Variants in SEC11C observed in about 807,000 individuals in gnomAD.
SEC11C encodes signal peptidase complex catalytic subunit SEC11C.
SEC11C carries 10 observed loss-of-function variants against 21.9 expected under a neutral mutation model. The observed-to-expected ratio is 0.46, with a 90% CI of 0.28 to 0.77. The LOEUF (loss-of-function observed/expected upper bound fraction) is 0.77, where lower values mean the gene tolerates loss of function less well. SEC11C is among the 30% of genes least tolerant of loss of function. The pLI is 0.12. For missense variants in SEC11C, 145 were observed against 244.5 expected (o/e 0.59, Z 2.71); for synonymous variants, 83 against 85.6 (o/e 0.97, Z 0.17).
intron 2 of SEC11C, 47 bp downstream of exon 2, chr18:59,149,669 C>G (rs375878145): frequency 1.6e-6 from 2 of 1,277,330 alleles, no homozygotes; most frequent in Non-Finnish European, 2.3e-6. Context: ...CATCACAAGG[C>G]TGCCTTGGGC....
In SEC11C at chr18:59,139,908, A is replaced by T. The variant is rs1467967852; in HGVS notation, c.-41A>T. 1 of 1,460,712 alleles carries T rather than the reference A, an allele frequency of 6.8e-7. No homozygotes were observed. Among genetic ancestry groups the T allele is most frequent in the Admixed American group, 2.4e-5 (1 of 41,942 alleles). The allele number at this position is 1,460,712 out of a possible 1,614,324, so 90.5% of individuals were successfully genotyped here. A position where few individuals can be genotyped will look rare whatever the true frequency, so the allele number is the denominator to read the frequency against. ...CAGGTGCTCCGCAGCCGTCTGTGCC[A>T]CCCAGAGCCGGCGGGCCGCTAGGTC... is the stretch of plus-strand genomic sequence containing the variant. On this transcript the variant is annotated 5_prime_UTR_variant, in exon 1 of 6. Coordinates refer to ENST00000587834, the MANE Select transcript of SEC11C (RefSeq NM_033280.4).
At chr18:59,157,100 A>G (rs1200284509) in intron 4 of SEC11C, 3 of 153,196 alleles carry the variant, frequency 2.0e-5, no homozygotes, top group African/African-American at 7.2e-5. Context: ...TTGCTCTGGG[A>G]TCATAATCAT....
intron 3 of SEC11C, 189 bp from the exon 4 acceptor site, chr18:59,155,499 G>C: frequency 2.0e-6 from 1 of 509,028 alleles, no homozygotes; most frequent in Non-Finnish European, 3.4e-6. Flanking sequence ...CTACAAAACT[G>C]TCATTAGATT....
intron 1 of SEC11C, 161 bp downstream of exon 1, chr18:59,140,196 T>A: frequency 5.2e-6 from 3 of 579,136 alleles, no homozygotes; most frequent in Non-Finnish European, 9.1e-6. Context: ...CGCCTACGTG[T>A]GGGCATGGGT....
intron 2 of SEC11C, among the ~76,000 whole-genome samples, chr18:59,150,034 G>C (rs1388213313): frequency 6.6e-6 from 1 of 151,982 alleles, no homozygotes; most frequent in Non-Finnish European, 1.5e-5. Context: ...TTTTTTTCAA[G>C]CTTCTTCAGT....
chr18:59,152,605 C>T lies in SEC11C; in HGVS notation c.267C>T (p.Ile89=). ...LFLTNFREDP[I]RAGEIVVFKV... ...TCACAAATTTCCGGGAAGACCCAATCAGAGCTGGTGAAATAGTTGTTTTTA... is the reference window on the plus strand; with the variant it reads ...TCACAAATTTCCGGGAAGACCCAATTAGAGCTGGTGAAATAGTTGTTTTTA... Residue 89 remains isoleucine (I), a synonymous_variant, in exon 3 of 6, where the codon ATC becomes ATT. Transcript: ENST00000587834. The T allele has an allele frequency of 6.2e-7, 1 of 1,613,748 alleles. No individual in the cohort carries two copies. The highest frequency in any genetic ancestry group is 8.5e-7 in the Non-Finnish European group (1 of 1,179,922).
At chr18:59,153,882 T>G (rs938454497) in intron 3 of SEC11C, among the ~76,000 whole-genome samples, 4 of 152,124 alleles carry the variant, frequency 2.6e-5, no homozygotes, top group Non-Finnish European at 5.9e-5. Flanking sequence ...AATTTTTGTA[T>G]TTTTAGTAGA....
chr18:59,151,030 T>C (rs1210359134), intron 2 of SEC11C, among the ~76,000 whole-genome samples: 3 of 152,020 alleles, frequency 2.0e-5, no homozygotes, highest in Non-Finnish European at 4.4e-5. Flanking sequence ...ACCAATGACA[T>C]CCCTAAGGGA....
At chr18:59,152,816 A>T (rs2069373845) in intron 3 of SEC11C, 131 bp downstream of exon 3, 1 of 701,934 alleles carries the variant, frequency 1.4e-6, no homozygotes, top group Non-Finnish European at 2.3e-6. Context: ...ACTTTGGACC[A>T]AATGCTTAAC....
chr18:59,154,081 A>G (rs2069391780), intron 3 of SEC11C, among the ~76,000 whole-genome samples: 1 of 152,200 alleles, frequency 6.6e-6, no homozygotes, highest in Non-Finnish European at 1.5e-5. Flanking sequence ...AAACATGAGA[A>G]CAATCCAGTT....
In SEC11C at chr18:59,158,685, A is replaced by G. The variant is rs778008316; in HGVS notation, c.579A>G (p.Ter193=). ...GAYVLLKRES[*] ...ATGTGTTACTAAAACGTGAATCCTA[A>G]AATGAGAAGCAGTTCCTGGGACCAG... Residue 193 remains the stop codon, a stop_retained_variant, in exon 6 of 6, where the codon TAA becomes TAG. Transcript: ENST00000587834. 1.2e-6 allele frequency: 2 copies of G among 1,612,014 alleles called. No homozygotes were observed. The highest frequency in any genetic ancestry group is 3.3e-5 in the Admixed American group (2 of 60,006).
chr18:59,147,836 C>CA (rs2069295216), intron 1 of SEC11C: 1 of 152,332 alleles, frequency 6.6e-6, no homozygotes, highest in Non-Finnish European at 1.5e-5. Context: ...GAAAAGCTGC[C>CA]AGGCCTGGTG....
At chr18:59,149,099 G>A (rs112698399) in intron 1 of SEC11C, among the ~76,000 whole-genome samples, 2 of 152,344 alleles carry the variant, frequency 1.3e-5, no homozygotes, top group African/African-American at 4.8e-5. Context: ...GTAGTTCTAG[G>A]TGAATCCACA....
chr18:59,152,963 A>G lies in SEC11C; in HGVS notation c.347+278A>G, dbSNP rs1603377873. 4 of 217,654 alleles carry G rather than the reference A, an allele frequency of 1.8e-5. No individual in the cohort carries two copies. The Admixed American group carries it at 2.3e-4, about 12-fold the overall frequency. The allele number at this position is 217,654 out of a possible 1,614,324, so 13.5% of individuals were successfully genotyped here. A position where few individuals can be genotyped will look rare whatever the true frequency, so the allele number is the denominator to read the frequency against. ...GCACAAATATAAGGTATGATGTATT[A>G]TGACATGTTAGTTATTTGAAGGAGC... On this transcript the variant is annotated intron_variant, in intron 3 of 5. Transcript: ENST00000587834.
In SEC11C at chr18:59,139,890, T is replaced by G; in HGVS notation, c.-59T>G. The stretch of plus-strand genomic sequence containing the variant: ...CCGGTGGGCGGGGGCCGGCAGGTGC[T>G]CCGCAGCCGTCTGTGCCACCCAGAG... On this transcript the variant is annotated 5_prime_UTR_variant, in exon 1 of 6. Transcript: ENST00000587834. 1 of 1,305,412 alleles carries G rather than the reference T, an allele frequency of 7.7e-7. No homozygotes were observed. Among genetic ancestry groups the G allele is most frequent in the Non-Finnish European group, 1.0e-6 (1 of 989,418 alleles). The allele number at this position is 1,305,412 out of a possible 1,614,324, so 80.9% of individuals were successfully genotyped here.
At chr18:59,158,504 A>G (rs2069444705) in intron 5 of SEC11C, 128 bp from the exon 6 acceptor site, 4 of 740,876 alleles carry the variant, frequency 5.4e-6, no homozygotes, top group Admixed American at 2.4e-5. Flanking sequence ...AGAACAAGCC[A>G]TGGGGGGAAG....
intron 1 of SEC11C, among the ~76,000 whole-genome samples, chr18:59,143,158 G>A (rs988823089): frequency 2.0e-5 from 3 of 151,992 alleles, no homozygotes; most frequent in African/African-American, 7.3e-5. Flanking sequence ...TTCAAAACCA[G>A]CCTGGCCAAC....
At chr18:59,143,776 C>T (rs1287289511) in intron 1 of SEC11C, among the ~76,000 whole-genome samples, 1 of 152,134 alleles carries the variant, frequency 6.6e-6, no homozygotes, top group East Asian at 1.9e-4. Context: ...TTTTCCTCCC[C>T]CAACCCAACC....
At chr18:59,144,208 C>CATT (rs1297272736) in intron 1 of SEC11C, among the ~76,000 whole-genome samples, 1 of 152,136 alleles carries the variant, frequency 6.6e-6, no homozygotes, top group South Asian at 2.1e-4. Flanking sequence ...TCCTTTTCCA[C>CATT]ATTATTAGAA....
Sources: gnomAD v4.1 joint callset for allele counts (sites outside exome capture counted in the v4.1 genomes callset) on GRCh38, gnomAD v4.1.1 for gene constraint, MANE v1.5 for transcripts, NCBI Gene and HGNC (gene_info 2026-07-23, HGNC 2026-07-21) for gene names.